Variants in HAVCR2 observed in about 807,000 individuals in gnomAD.
HAVCR2 encodes hepatitis A virus cellular receptor 2.
Under a neutral mutation model 24.7 loss-of-function variants are expected in HAVCR2, and 13 were observed. That is an observed-to-expected ratio of 0.53 (90% CI 0.34 to 0.84). HAVCR2 has a LOEUF of 0.84. Among genes scored for constraint, HAVCR2 ranks in the 40% least tolerant of loss-of-function variants. The pLI is 0.01. For missense variants in HAVCR2, 343 were observed against 371.2 expected (o/e 0.92, Z 0.62); for synonymous variants, 154 against 143.4 (o/e 1.07, Z -0.53).
chr5:157,093,205 A>G (rs1419450429), intron 5 of HAVCR2, among the ~76,000 whole-genome samples: 1 of 151,866 alleles, frequency 6.6e-6, no homozygotes, highest in Non-Finnish European at 1.5e-5. Flanking sequence ...CTTTTTCTGA[A>G]TAATCCATTT....
At position 157,095,367 on chromosome 5, in the gene HAVCR2, G is replaced by A. The variant is rs7727003; in HGVS notation, c.615C>T (p.Ile205=). The A allele has an allele frequency of 1.5e-5, 25 of 1,614,040 alleles. 1 individual carries two copies. In the Admixed American group the frequency reaches 2.2e-4, roughly 14 times the overall value. ...CCAGCCCAGCACAGATCCCTGCTCC[G>A]ATGTAGATGCCTATTCTGATGGTTG... ...SGATIRIGIY[I]GAGICAGLAL... The change falls in exon 5 of 7, where the codon ATC becomes ATT. Residue 205 remains isoleucine, a synonymous_variant. Coordinates refer to ENST00000307851, the MANE Select transcript of HAVCR2 (RefSeq NM_032782.5).
chr5:157,097,606 G>A (rs937406707), intron 4 of HAVCR2, among the ~76,000 whole-genome samples: 1 of 151,650 alleles, frequency 6.6e-6, no homozygotes, highest in African/African-American at 2.4e-5. Context: ...CCTTCTAGTG[G>A]TTTTTCTTTT....
In HAVCR2 at chr5:157,087,143, G is replaced by C. The variant is rs1756924737; in HGVS notation, c.865C>G (p.Gln289Glu). The change falls in exon 7 of 7, where the codon CAA becomes GAA. Residue 289 changes from glutamine (Q) to glutamate (E), a missense_variant. Transcript: ENST00000307851. ...EYYCYVSSRQQPSQPLGCRFA... is the reference protein window; with the variant it reads ...EYYCYVSSRQEPSQPLGCRFA... ...CGACAACCCAAAGGTTGTGAGGGTT[G>C]CTGCCTGCTGCTGACATAGCAATAA... The C allele has an allele frequency of 1.2e-6, 2 of 1,614,006 alleles. No homozygotes were observed. Among genetic ancestry groups the C allele is most frequent in the African/African-American group, 2.7e-5 (2 of 75,050 alleles).
chr5:157,093,093 ATGTG>A (rs1222349078), intron 5 of HAVCR2, among the ~76,000 whole-genome samples: 122 of 125,664 alleles, frequency 9.7e-4, no homozygotes, highest in African/African-American at 3.7e-3. Flanking sequence ...ATATATATAT[ATGTG>A]TATACATATA....
chr5:157,088,899 C>G, intron 6 of HAVCR2, 42 bp downstream of exon 6: 1 of 1,567,294 alleles, frequency 6.4e-7, no homozygotes. Context: ...TAGGGACTTC[C>G]AAGATTCTCA....
chr5:157,103,179 C>A (rs1397002761), intron 3 of HAVCR2, among the ~76,000 whole-genome samples: 1 of 151,828 alleles, frequency 6.6e-6, no homozygotes, highest in South Asian at 2.1e-4. Flanking sequence ...CTGGCTAACA[C>A]GGTGAAACTC....
chr5:157,102,312 G>C (rs973636687), intron 3 of HAVCR2, among the ~76,000 whole-genome samples: 4 of 151,996 alleles, frequency 2.6e-5, no homozygotes, highest in Non-Finnish European at 5.9e-5. Context: ...GAGCTCCAGT[G>C]ATCTGCCTGC....
intron 3 of HAVCR2, among the ~76,000 whole-genome samples, chr5:157,101,862 C>T (rs1757172157): frequency 6.6e-6 from 1 of 151,170 alleles, no homozygotes; most frequent in East Asian, 1.9e-4. Context: ...GAATCCTCAA[C>T]CTCCTGAGTT....
intron 3 of HAVCR2, 29 bp from the exon 4 acceptor site, chr5:157,098,930 AG>A: frequency 6.5e-7 from 1 of 1,544,304 alleles, no homozygotes; most frequent in Non-Finnish European, 8.9e-7. Context: ...AGAGAGAGAG[AG>A]GAAAAATAGC....
intron 3 of HAVCR2, among the ~76,000 whole-genome samples, chr5:157,100,130 A>G (rs1431529634): frequency 6.6e-6 from 1 of 152,228 alleles, no homozygotes; most frequent in African/African-American, 2.4e-5. Context: ...CTTTCAGTGA[A>G]GAAGCTCATT....
At chr5:157,092,878 CAAAAAAAAAAAAAAAAAAAAAAAAAAA>C (rs556443053) in intron 5 of HAVCR2, among the ~76,000 whole-genome samples, 7 of 44,044 alleles carry the variant, frequency 1.6e-4, no homozygotes, top group Admixed American at 4.6e-4. Context: ...CTGTCTCTAC[CAAAAAAAAAAAAAAAAAAAAAAAAAAA>C]AAAAAAAAAA....
chr5:157,099,183 T>C (rs1339828006), intron 3 of HAVCR2, among the ~76,000 whole-genome samples: 3 of 152,150 alleles, frequency 2.0e-5, no homozygotes, highest in East Asian at 3.8e-4. Context: ...ATTAAATATG[T>C]GCTTTGTTTT....
chr5:157,106,827 T>C lies in HAVCR2; in HGVS notation c.194A>G (p.Asn65Ser). 6.2e-7 allele frequency: 1 copy of C among 1,614,186 alleles called. No homozygotes were observed. The change falls in exon 2 of 7, where the codon AAC (asparagine) becomes AGC (serine). Residue 65 changes from asparagine (N) to serine (S), a missense_variant. Transcript: ENST00000307851. ...CCTTTCATCAGTCCTGAGCACCACG[T>C]TGCCACATTCAAACACAGGACAGGC... ...KGACPVFECG[N>S]VVLRTDERDV...
At chr5:157,092,196 A>AAT (rs1382998433) in intron 5 of HAVCR2, among the ~76,000 whole-genome samples, 6 of 150,284 alleles carry the variant, frequency 4.0e-5, no homozygotes, top group African/African-American at 1.2e-4. Context: ...AGTGGTCTCT[A>AAT]ATATATATAA....
rs766012342 is a variant in HAVCR2, at chr5:157,088,908, C to T, written c.713+33G>A. The T allele has an allele frequency of 1.4e-5, 22 of 1,589,138 alleles. No individual in the cohort carries two copies. In the South Asian group the frequency reaches 2.3e-4, roughly 17 times the overall value. On this transcript the variant is annotated intron_variant, in intron 6 of 6. Coordinates refer to ENST00000307851, the MANE Select transcript of HAVCR2 (RefSeq NM_032782.5). Reference sequence around the variant, plus strand: ...TTAGAGTAGGGACTTCCAAGATTCTCACCTTTTCCCAACCCCATTCCATTA... The same window carrying T: ...TTAGAGTAGGGACTTCCAAGATTCTTACCTTTTCCCAACCCCATTCCATTA...
chr5:157,096,568 G>A (rs886502495), intron 4 of HAVCR2, among the ~76,000 whole-genome samples: 4 of 151,958 alleles, frequency 2.6e-5, no homozygotes, highest in African/African-American at 9.7e-5. Context: ...CACGAGGTCA[G>A]GAGTTCAAGA....
At chr5:157,096,229 C>A (rs376451765) in intron 4 of HAVCR2, among the ~76,000 whole-genome samples, 433 of 90,484 alleles carry the variant, frequency 4.8e-3, no homozygotes, top group South Asian at 0.01. Context: ...GACTCCATCT[C>A]AAAAAAAAAA....
At chr5:157,099,344 C>T (rs1561621999) in intron 3 of HAVCR2, among the ~76,000 whole-genome samples, 1 of 144,182 alleles carries the variant, frequency 6.9e-6, no homozygotes, top group Non-Finnish European at 1.5e-5. Context: ...GCAACCTCGG[C>T]CTCCCTGGTT....
chr5:157,098,925 G>C, intron 3 of HAVCR2, 24 bp from the exon 4 acceptor site: 1 of 1,606,592 alleles, frequency 6.2e-7, no homozygotes, highest in Non-Finnish European at 8.5e-7. Context: ...GAGAGAGAGA[G>C]AGAGAGGAAA....
Sources: allele counts gnomAD v4.1 joint callset (sites outside exome capture counted in the v4.1 genomes callset), GRCh38; gene constraint gnomAD v4.1.1; transcripts MANE v1.5; gene names NCBI Gene and HGNC (gene_info 2026-07-23, HGNC 2026-07-21).